LMBR1: variants seen among roughly 807,000 people sequenced by gnomAD.
LMBR1 encodes limb development membrane protein 1, also known as limb region 1 protein homolog.
In LMBR1, 52 loss-of-function variants were observed where a neutral mutation model predicts 73.9. The observed-to-expected ratio is 0.70, with a 90% CI of 0.56 to 0.89. The LOEUF (loss-of-function observed/expected upper bound fraction) is 0.89, where lower values mean the gene tolerates loss of function less well. Among genes scored for constraint, LMBR1 ranks in the 40% least tolerant of loss-of-function variants. The pLI is 0.00. For synonymous variants in LMBR1, 215 were observed against 209.4 expected, an observed-to-expected ratio of 1.03 and a Z score of -0.23; for missense variants, 539 against 579.8, an observed-to-expected ratio of 0.93 and a Z score of 0.72.
intron 1 of LMBR1, among the ~76,000 whole-genome samples, chr7:156,843,470 G>A (rs74743049): frequency 0.016 from 2,371 of 152,292 alleles, 59 homozygotes; most frequent in African/African-American, 0.053. Flanking sequence ...CAAGGAAGCT[G>A]CAAGAATAGA....
chr7:156,736,892 T>C (rs1817973940), intron 9 of LMBR1, among the ~76,000 whole-genome samples: 1 of 152,190 alleles, frequency 6.6e-6, no homozygotes, highest in Admixed American at 6.5e-5. Context: ...AAGGTCTTTA[T>C]TTTCTCCTGG....
intron 1 of LMBR1, among the ~76,000 whole-genome samples, chr7:156,857,037 G>A (rs1301093499): frequency 6.6e-6 from 1 of 151,782 alleles, no homozygotes; most frequent in Non-Finnish European, 1.5e-5. Flanking sequence ...TATGCTAAGA[G>A]AGGAAAGAAA....
intron 4 of LMBR1, among the ~76,000 whole-genome samples, chr7:156,804,076 TGGCAC>T: frequency 6.6e-6 from 1 of 151,978 alleles, no homozygotes; most frequent in South Asian, 2.1e-4. Flanking sequence ...CACACCAACA[TGGCAC>T]ATGTATACAT....
chr7:156,696,801 C>T (rs945410393), intron 15 of LMBR1, among the ~76,000 whole-genome samples: 5 of 152,214 alleles, frequency 3.3e-5, no homozygotes, highest in Non-Finnish European at 7.3e-5. Flanking sequence ...CCTCACAAAT[C>T]TCATGTCCTC....
chr7:156,770,915 G>T (rs569375308), intron 5 of LMBR1, among the ~76,000 whole-genome samples: 1 of 151,612 alleles, frequency 6.6e-6, no homozygotes, highest in Non-Finnish European at 1.5e-5. Context: ...TCCTGTCTCA[G>T]AAACAAATAA....
rs745941175 is a variant in LMBR1, at chr7:156,817,248, GC to G, written c.319+9356del. 1.2e-4 allele frequency among the ~76,000 whole-genome samples: 19 copies of G among 152,030 alleles called. No individual in the cohort carries two copies. The South Asian group carries it at 3.3e-3, about 27-fold the overall frequency. Reference sequence around the variant, plus strand: ...ATCATTTTTCCTCACATAGACAAAAGCCTTCATGAATTTAAATTAAAAAATT... The same window carrying G: ...ATCATTTTTCCTCACATAGACAAAAGCTTCATGAATTTAAATTAAAAAATT... On this transcript the variant is annotated intron_variant, in intron 4 of 16. Transcript: ENST00000353442.
At chr7:156,888,788 C>T (rs866051234) in intron 1 of LMBR1, among the ~76,000 whole-genome samples, 3 of 152,122 alleles carry the variant, frequency 2.0e-5, no homozygotes, top group African/African-American at 7.2e-5. Flanking sequence ...GGCACAGTGG[C>T]TCACACCTGT....
intron 15 of LMBR1, among the ~76,000 whole-genome samples, chr7:156,715,256 A>C (rs1812971695): frequency 6.6e-6 from 1 of 152,130 alleles, no homozygotes; most frequent in Non-Finnish European, 1.5e-5. Context: ...CCAGCCAAAA[A>C]ATAACTTATT....
intron 1 of LMBR1, among the ~76,000 whole-genome samples, chr7:156,860,346 T>C (rs567654120): frequency 3.4e-4 from 52 of 152,122 alleles, no homozygotes; most frequent in African/African-American, 1.1e-3. Context: ...AACCATCAGA[T>C]CTCATGAGAC....
intron 4 of LMBR1, among the ~76,000 whole-genome samples, chr7:156,816,657 C>A (rs1279495171): frequency 2.0e-5 from 3 of 152,034 alleles, no homozygotes; most frequent in Non-Finnish European, 2.9e-5. Context: ...TAATCTAATA[C>A]AATTTGCAAT....
In LMBR1 at chr7:156,684,049, T is replaced by C. The variant is rs199958483; in HGVS notation, c.*29A>G. On this transcript the variant is annotated 3_prime_UTR_variant, in exon 17 of 17. Transcript: ENST00000353442. ...CGTGAATCTGGAGTTCTCGGGTCTC[T>C]TGGTGGCAGAAGACGCCGTCTGTGC... 6.4e-6 allele frequency: 10 copies of C among 1,572,060 alleles called. No homozygotes were observed. The East Asian group carries it at 2.0e-4, about 32-fold the overall frequency.
chr7:156,789,358 A>T (rs888098877), intron 5 of LMBR1, among the ~76,000 whole-genome samples: 2 of 152,218 alleles, frequency 1.3e-5, no homozygotes, highest in South Asian at 4.1e-4. Flanking sequence ...TAAAATGTGC[A>T]AACCAATAAA....
downstream of LMBR1, among the ~76,000 whole-genome samples, chr7:156,675,496 T>C (rs1028553228): frequency 6.6e-6 from 1 of 152,178 alleles, no homozygotes; most frequent in African/African-American, 2.4e-5. Context: ...CTCCATCAGA[T>C]AGGGGTTCTT....
chr7:156,873,429 C>T (rs556716201), intron 1 of LMBR1, among the ~76,000 whole-genome samples: 13 of 152,208 alleles, frequency 8.5e-5, no homozygotes, highest in South Asian at 4.2e-4. Flanking sequence ...TTGCAAAGAG[C>T]GAAAGAACAA....
chr7:156,719,759 T>C (rs947711971), intron 15 of LMBR1, among the ~76,000 whole-genome samples: 2 of 152,090 alleles, frequency 1.3e-5, no homozygotes, highest in Non-Finnish European at 2.9e-5. Flanking sequence ...AACAGAGATA[T>C]AGATCAATGG....
chr7:156,808,613 G>T (rs1465441546), intron 4 of LMBR1, among the ~76,000 whole-genome samples: 1 of 152,090 alleles, frequency 6.6e-6, no homozygotes, highest in Non-Finnish European at 1.5e-5. Flanking sequence ...CTATCAACTT[G>T]CTTTTTGTTT....
chr7:156,866,115 G>A (rs930978449), intron 1 of LMBR1, among the ~76,000 whole-genome samples: 2 of 150,142 alleles, frequency 1.3e-5, no homozygotes, highest in African/African-American at 4.9e-5. Flanking sequence ...TTTAACTTTT[G>A]TCCTACAATC....
intron 12 of LMBR1, among the ~76,000 whole-genome samples, chr7:156,726,560 C>G (rs1315665110): frequency 1.3e-5 from 2 of 152,024 alleles, no homozygotes; most frequent in African/African-American, 4.8e-5. Flanking sequence ...AAGAAACTAT[C>G]TGAATGTTTT....
intron 15 of LMBR1, among the ~76,000 whole-genome samples, chr7:156,720,970 G>A (rs758327586): frequency 1.3e-4 from 19 of 151,846 alleles, no homozygotes; most frequent in South Asian, 2.1e-4. Context: ...AAAAAGACCC[G>A]TTATAAAACA....
Sources: allele counts gnomAD v4.1 joint callset (sites outside exome capture counted in the v4.1 genomes callset), GRCh38; gene constraint gnomAD v4.1.1; transcripts MANE v1.5; gene names NCBI Gene and HGNC (gene_info 2026-07-23, HGNC 2026-07-21).